Variants in PLEKHA4 observed in about 807,000 individuals in gnomAD.
The protein encoded by PLEKHA4 is pleckstrin homology domain-containing family A member 4.
Under a neutral mutation model 94.7 loss-of-function variants are expected in PLEKHA4, and 73 were observed. The ratio of observed to expected loss-of-function variants is 0.77; its 90% CI spans 0.64 to 0.94. The LOEUF (loss-of-function observed/expected upper bound fraction) is 0.94, where lower values mean the gene tolerates loss of function less well. Among genes scored for constraint, PLEKHA4 ranks in the 40% least tolerant of loss-of-function variants. The probability of loss-of-function intolerance (pLI) is 0.00; values close to 1 mark genes in which losing one functional copy is unlikely to be tolerated. For missense variants in PLEKHA4, 1,049 were observed against 1,054.1 expected (o/e 1.00, Z 0.07); for synonymous variants, 449 against 437.1 (o/e 1.03, Z -0.34).
chr19:48,849,732 G>T (rs868176087), intron 13 of PLEKHA4, among the ~76,000 whole-genome samples: 1 of 152,210 alleles, frequency 6.6e-6, no homozygotes, highest in Non-Finnish European at 1.5e-5. Flanking sequence ...AAAGGAATGG[G>T]TTCAGAACTG....
At chr19:48,843,378 A>C (rs888600920) in intron 16 of PLEKHA4, among the ~76,000 whole-genome samples, 1 of 151,866 alleles carries the variant, frequency 6.6e-6, no homozygotes, top group African/African-American at 2.4e-5. Flanking sequence ...ACGGGGTTAC[A>C]CTATGTTGGT....
At chr19:48,849,190 G>A (rs1010074788) in intron 13 of PLEKHA4, among the ~76,000 whole-genome samples, 2 of 152,174 alleles carry the variant, frequency 1.3e-5, no homozygotes, top group Non-Finnish European at 2.9e-5. Flanking sequence ...ACAGGTGTGA[G>A]CCACTGCAGC....
chr19:48,843,824 A>C (rs1040425698), intron 16 of PLEKHA4, among the ~76,000 whole-genome samples: 5 of 151,374 alleles, frequency 3.3e-5, no homozygotes, highest in African/African-American at 1.2e-4. Flanking sequence ...CACCCGGCTA[A>C]TTTTTGTATT....
intron 9 of PLEKHA4, among the ~76,000 whole-genome samples, 200 bp from the exon 10 acceptor site, chr19:48,854,464 G>C (rs1407604492): frequency 6.6e-6 from 1 of 152,080 alleles, no homozygotes; most frequent in African/African-American, 2.4e-5. Context: ...AACCTCCTGG[G>C]CTCAAGCAAT....
Position 48,838,145 on chromosome 19 carries a change from A to T in PLEKHA4, c.1965-16T>A. On this transcript the variant is annotated splice_polypyrimidine_tract_variant and intron_variant, in intron 18 of 19. Coordinates refer to ENST00000263265, the MANE Select transcript of PLEKHA4 (RefSeq NM_020904.3). ...GTTCCTTGGACTAGAAAAAAAAAGA[A>T]GATTGGGGGTGGGGGTGTGTACATG... 26 of 1,298,782 alleles carry T rather than the reference A, an allele frequency of 2.0e-5. No individual in the cohort carries two copies. The highest frequency in any genetic ancestry group is 2.4e-5 in the Non-Finnish European group (22 of 912,830). The allele number at this position is 1,298,782 out of a possible 1,614,324, so 80.5% of individuals were successfully genotyped here. A position where few individuals can be genotyped will look rare whatever the true frequency, so the allele number is the denominator to read the frequency against.
At chr19:48,865,682 C>T (rs532385246) in intron 2 of PLEKHA4, 72 bp from the exon 3 acceptor site, 77 of 1,070,602 alleles carry the variant, frequency 7.2e-5, no homozygotes, top group Non-Finnish European at 9.2e-5. Context: ...AGGGTGGACA[C>T]AGGCAACCGT....
intron 9 of PLEKHA4, 78 bp from the exon 10 acceptor site, chr19:48,854,342 G>T: frequency 8.1e-7 from 1 of 1,228,384 alleles, no homozygotes; most frequent in Non-Finnish European, 1.2e-6. Context: ...GCCACGCCCT[G>T]TCTCTACTGA....
chr19:48,848,153 A>T (rs2036039313), intron 13 of PLEKHA4, 113 bp from the exon 14 acceptor site: 1 of 1,226,456 alleles, frequency 8.2e-7, no homozygotes, highest in African/African-American at 1.5e-5. Context: ...TGGAGTTGGG[A>T]TTTATTTTTT....
In PLEKHA4 at chr19:48,837,602, C is replaced by G. The variant is rs1240610970; in HGVS notation, c.2078-51G>C. ...AATGGCAAACCTCAGCGCTAGGACC[C>G]CGGATTCCCAGCCCCTCCTCCCTCA... is the stretch of plus-strand genomic sequence containing the variant. On this transcript the variant is annotated intron_variant, in intron 19 of 19. Transcript: ENST00000263265. The surrounding 1 kb of genome is among the most constrained non-coding windows in gnomAD (Gnocchi z 4.3). 1 of 1,599,074 alleles carries G rather than the reference C, an allele frequency of 6.3e-7. No homozygotes were observed.
intron 18 of PLEKHA4, among the ~76,000 whole-genome samples, chr19:48,838,781 A>AG (rs1340764574): frequency 1.3e-5 from 2 of 149,574 alleles, no homozygotes; most frequent in African/African-American, 2.5e-5. Context: ...AAAAAAAAAA[A>AG]GTAAAAAATA....
chr19:48,841,407 A>G lies in PLEKHA4; in HGVS notation c.1744-97T>C, dbSNP rs1599866222. ...TTTGGGAGGCTGAGTAGAGAGGATC[A>G]CTTGAGGTCAGGAGTTGAAGACCAG... is the stretch of plus-strand genomic sequence containing the variant. On this transcript the variant is annotated intron_variant, in intron 16 of 19. Transcript: ENST00000263265. 3 of 1,315,508 alleles carry G rather than the reference A, an allele frequency of 2.3e-6. No homozygotes were observed. In the East Asian group the frequency reaches 7.8e-5, roughly 34 times the overall value. The allele number at this position is 1,315,508 out of a possible 1,614,324, so 81.5% of individuals were successfully genotyped here.
At position 48,861,386 on chromosome 19, in the gene PLEKHA4, G is replaced by A; in HGVS notation, c.366+15C>T. The A allele has an allele frequency of 6.2e-7, 1 of 1,603,840 alleles. No homozygotes were observed. The highest frequency in any genetic ancestry group is 8.5e-7 in the Non-Finnish European group (1 of 1,171,900). On this transcript the variant is annotated intron_variant, in intron 5 of 19. Coordinates refer to ENST00000263265, the MANE Select transcript of PLEKHA4 (RefSeq NM_020904.3). The stretch of plus-strand genomic sequence containing the variant: ...TTCCCATCGCCTGGTGCACAACATG[G>A]ATGGATGGACTCACGGTGAAGGTGA...
chr19:48,853,995 A>G lies in PLEKHA4; in HGVS notation c.1176+12T>C. On this transcript the variant is annotated intron_variant, in intron 11 of 19. Transcript: ENST00000263265. ...AGGCCAGGCGCCCTGTCCTTGGCCC[A>G]GGGCCCCGCACCTTCTCCTCCTGCT... 6.2e-7 allele frequency: 1 copy of G among 1,614,004 alleles called. No individual in the cohort carries two copies. Among genetic ancestry groups the G allele is most frequent in the South Asian group, 1.1e-5 (1 of 91,068 alleles).
At position 48,837,522 on chromosome 19, in the gene PLEKHA4, GA is replaced by G. The variant is rs2035579266; in HGVS notation, c.2106del (p.Leu703PhefsTer133). On this transcript the variant is annotated frameshift_variant, in exon 20 of 20. Coordinates refer to ENST00000263265, the MANE Select transcript of PLEKHA4 (RefSeq NM_020904.3). LOFTEE classifies it low-confidence loss of function (END_TRUNC). The surrounding 1 kb of genome is among the most constrained non-coding windows in gnomAD (Gnocchi z 4.3). The stretch of plus-strand genomic sequence containing the variant: ...GAAGGAGGCAGCGGCACACCGGGAA[GA>G]GGGTCTCCCTGGGAGTCCAAATTTC... ...TGGNLDSQGD[P>X]LPGVPLPPSD... 9 of 1,613,322 alleles carry G rather than the reference GA, an allele frequency of 5.6e-6. No individual in the cohort carries two copies. The East Asian group carries it at 2.0e-4, about 36-fold the overall frequency.
intron 8 of PLEKHA4, 24 bp from the exon 9 acceptor site, chr19:48,857,520 A>T: frequency 7.2e-7 from 1 of 1,392,358 alleles, no homozygotes; most frequent in Non-Finnish European, 1.0e-6. Context: ...TGAAATGGAG[A>T]TGTTTAGAAA....
At position 48,852,042 on chromosome 19, in the gene PLEKHA4, TA is replaced by T. The variant is rs982307882; in HGVS notation, c.1425+185del. On this transcript the variant is annotated intron_variant, in intron 13 of 19. Coordinates refer to ENST00000263265, the MANE Select transcript of PLEKHA4 (RefSeq NM_020904.3). ...TAATTAAAATTTTAATGAGAGAATT[TA>T]AAAAAAAACCCCAAAGGGCATGGTC... 1.1e-4 allele frequency among the ~76,000 whole-genome samples: 16 copies of T among 150,912 alleles called. 2 individuals carry two copies. The highest frequency in any genetic ancestry group is 9.3e-4 in the Admixed American group (14 of 15,094).
rs12460394 is a variant in PLEKHA4 at position 48,841,264 on chromosome 19, C to T, written c.1790G>A (p.Arg597Gln). 0.013 allele frequency: 20,780 copies of T among 1,613,444 alleles called. 225 individuals carry two copies. Among genetic ancestry groups the T allele is most frequent in the Middle Eastern group, 0.032 (194 of 6,002 alleles). ...PRMSAQEQLERMRRNQECGRP... is the reference protein window; with the variant it reads ...PRMSAQEQLEQMRRNQECGRP... ...TCCACATTCCTGGTTTCTGCGCATCCGCTCCAGCTGCTCCTGGGCACTCAT... is the reference window on the plus strand; with the variant it reads ...TCCACATTCCTGGTTTCTGCGCATCTGCTCCAGCTGCTCCTGGGCACTCAT... Residue 597 changes from arginine (R) to glutamine (Q), a missense_variant, in exon 17 of 20, where the codon CGG becomes CAG. Physicochemically the swap from Arg to Gln is conservative, Grantham distance 43 (BLOSUM62 1). Coordinates refer to ENST00000263265, the MANE Select transcript of PLEKHA4 (RefSeq NM_020904.3).
At chr19:48,842,687 A>G (rs2035814045) in intron 16 of PLEKHA4, among the ~76,000 whole-genome samples, 1 of 152,144 alleles carries the variant, frequency 6.6e-6, no homozygotes. Flanking sequence ...AGAAACCTCC[A>G]CATGCTGGTG....
intron 12 of PLEKHA4, 56 bp from the exon 13 acceptor site, chr19:48,852,382 C>T (rs2036232658): frequency 1.5e-6 from 2 of 1,321,556 alleles, no homozygotes; most frequent in African/African-American, 2.9e-5. Flanking sequence ...CCAGATCCTT[C>T]CCCACCCCAT....
Sources: allele counts gnomAD v4.1 joint callset (sites outside exome capture counted in the v4.1 genomes callset), GRCh38; gene constraint gnomAD v4.1.1; non-coding constraint Gnocchi (gnomAD v3.1); transcripts MANE v1.5; gene names NCBI Gene and HGNC (gene_info 2026-07-23, HGNC 2026-07-21).